TRHDE: variants seen among roughly 807,000 people sequenced by gnomAD.
The protein encoded by TRHDE is thyrotropin-releasing hormone-degrading ectoenzyme.
In TRHDE, 72 loss-of-function variants were observed where a neutral mutation model predicts 125.7. The observed-to-expected ratio is 0.57, with a 90% CI of 0.47 to 0.70. The LOEUF is 0.70. Among genes scored for constraint, TRHDE ranks in the 30% least tolerant of loss-of-function variants. The pLI, the probability that TRHDE is intolerant of heterozygous loss-of-function variation, is 0.00. For missense variants in TRHDE, 1,110 were observed against 1,327.1 expected (o/e 0.84, Z 2.54); for synonymous variants, 509 against 509.1 (o/e 1.00, Z 0.00).
At chr12:72,430,400 C>T (rs1004686709) in intron 3 of TRHDE, among the ~76,000 whole-genome samples, 15 of 136,864 alleles carry the variant, frequency 1.1e-4, no homozygotes, top group Admixed American at 7.7e-5. Flanking sequence ...TATACACACA[C>T]GTATATATAT....
Position 72,122,859 on chromosome 12 carries a change from G to A in TRHDE, n.279+17107G>A, listed in dbSNP as rs557670795. ...ATTTTTAAAAAATATATTTAAATAC[G>A]TAGTACACAGCCTTTTAAAACATAC... On this transcript the variant is annotated intron_variant and non_coding_transcript_variant, in intron 2 of 4. Transcript: ENST00000548156. Among the ~76,000 whole-genome samples the A allele has an allele frequency of 8.6e-5, 13 of 151,968 alleles. No homozygotes were observed. The East Asian group carries it at 1.9e-3, about 23-fold the overall frequency.
intron 2 of TRHDE, among the ~76,000 whole-genome samples, chr12:72,337,837 T>A (rs7974050): frequency 0.83 from 125,959 of 151,788 alleles, 52,451 homozygotes; most frequent in East Asian, 0.92. Context: ...TTGTCAGCCC[T>A]CTGAAAACAT....
chr12:72,484,299 G>C (rs572925832), intron 5 of TRHDE, among the ~76,000 whole-genome samples: 1 of 152,194 alleles, frequency 6.6e-6, no homozygotes, highest in Admixed American at 6.5e-5. Context: ...AAAAAATTTA[G>C]CATGCAGGAA....
intron 3 of TRHDE, among the ~76,000 whole-genome samples, chr12:72,469,101 G>C (rs553017009): frequency 6.6e-6 from 1 of 152,220 alleles, no homozygotes; most frequent in South Asian, 2.1e-4. Flanking sequence ...TATTTCATAG[G>C]TGAGGGAATT....
At chr12:72,556,911 A>G (rs540583318) in intron 7 of TRHDE, among the ~76,000 whole-genome samples, 4 of 152,306 alleles carry the variant, frequency 2.6e-5, no homozygotes, top group South Asian at 2.1e-4. Context: ...CCCAGTGTCA[A>G]TGAGTCCCAG....
rs926087005 is a variant in TRHDE, at chr12:72,153,045, A to G, written n.279+47293A>G. Reference sequence around the variant, plus strand: ...TGGTCCTGGACTTTTTTTGGTTGGTAAGCAATTAATTATTGCCTCAATTTC... The same window carrying G: ...TGGTCCTGGACTTTTTTTGGTTGGTGAGCAATTAATTATTGCCTCAATTTC... On this transcript the variant is annotated intron_variant and non_coding_transcript_variant, in intron 2 of 4. Transcript: ENST00000548156. Among the ~76,000 whole-genome samples, 64 of 152,132 alleles carry G rather than the reference A, an allele frequency of 4.2e-4. 1 individual carries two copies. Among genetic ancestry groups the G allele is most frequent in the Non-Finnish European group, 1.5e-5 (1 of 68,024 alleles).
chr12:72,230,015 A>G (rs911923608), intron 2 of TRHDE, among the ~76,000 whole-genome samples: 2 of 152,170 alleles, frequency 1.3e-5, no homozygotes, highest in Non-Finnish European at 2.9e-5. Flanking sequence ...CAGTCTCTAG[A>G]TGTGCTAGCA....
intron 2 of TRHDE, among the ~76,000 whole-genome samples, chr12:72,113,667 C>G (rs1188973538): frequency 6.6e-6 from 1 of 151,860 alleles, no homozygotes; most frequent in Non-Finnish European, 1.5e-5. Flanking sequence ...AGGGACCCAC[C>G]AAGAGTCACC....
chr12:72,287,947 C>CTT lies in TRHDE; in HGVS notation c.1188+1005_1188+1006dup, dbSNP rs111979925. 4.1e-5 allele frequency among the ~76,000 whole-genome samples: 6 copies of CTT among 144,772 alleles called. No homozygotes were observed. The East Asian group carries it at 8.1e-4, about 20-fold the overall frequency. 95.0% of individuals were successfully genotyped at this position (144,772 alleles called of 152,430 possible). On this transcript the variant is annotated intron_variant, in intron 2 of 18. Transcript: ENST00000261180. Reference sequence around the variant, plus strand: ...ATTAAGACAAGGTATTAAGATTCCACTTTTTTTTTTTTTCAAATGAGTAAA... The same window carrying CTT: ...ATTAAGACAAGGTATTAAGATTCCACTTTTTTTTTTTTTTTCAAATGAGTAAA...
chr12:72,496,383 C>T (rs962017893), intron 5 of TRHDE, among the ~76,000 whole-genome samples: 2 of 152,308 alleles, frequency 1.3e-5, no homozygotes, highest in South Asian at 2.1e-4. Context: ...GGAGAGGTCT[C>T]ACAAACATGG....
chr12:72,341,508 C>T (rs1479294061), intron 2 of TRHDE, among the ~76,000 whole-genome samples: 1 of 152,032 alleles, frequency 6.6e-6, no homozygotes, highest in Non-Finnish European at 1.5e-5. Context: ...TCATATTATT[C>T]AAATTAAAGG....
intron 2 of TRHDE, among the ~76,000 whole-genome samples, chr12:72,215,595 G>A (rs1170828839): frequency 5.3e-5 from 8 of 152,110 alleles, no homozygotes; most frequent in South Asian, 2.1e-4. Context: ...TTACCAAATT[G>A]TCATGGCAAT....
intron 2 of TRHDE, among the ~76,000 whole-genome samples, chr12:72,194,440 T>C (rs370592161): frequency 2.6e-5 from 4 of 152,178 alleles, no homozygotes; most frequent in African/African-American, 9.6e-5. Flanking sequence ...ACTTTTATTT[T>C]AGATTTGGGG....
At chr12:72,093,393 A>G (rs140956425) in intron 1 of TRHDE, among the ~76,000 whole-genome samples, 113 of 152,278 alleles carry the variant, frequency 7.4e-4, no homozygotes, top group African/African-American at 2.7e-3. Context: ...GTTTTCAGTC[A>G]TTATTTATTT....
At chr12:72,469,145 C>T (rs1197750511) in intron 3 of TRHDE, among the ~76,000 whole-genome samples, 9 of 152,242 alleles carry the variant, frequency 5.9e-5, no homozygotes, top group African/African-American at 2.2e-4. Context: ...TTACTAATGT[C>T]GCATAGCCAG....
chr12:72,422,952 C>A (rs1057167910), intron 3 of TRHDE, among the ~76,000 whole-genome samples: 1 of 152,036 alleles, frequency 6.6e-6, no homozygotes, highest in Non-Finnish European at 1.5e-5. Context: ...AACTGTCAAC[C>A]AATAAATTTA....
chr12:72,388,814 G>A (rs890032317), intron 3 of TRHDE, among the ~76,000 whole-genome samples: 3 of 151,624 alleles, frequency 2.0e-5, no homozygotes, highest in Non-Finnish European at 4.4e-5. Context: ...CTATCCTATG[G>A]TGAGGCTATT....
intron 6 of TRHDE, among the ~76,000 whole-genome samples, chr12:72,517,544 T>C (rs958580871): frequency 6.6e-6 from 1 of 152,216 alleles, no homozygotes; most frequent in African/African-American, 2.4e-5. Flanking sequence ...TTTTTTTCTT[T>C]ATTAGTCTTG....
intron 2 of TRHDE, among the ~76,000 whole-genome samples, chr12:72,209,937 C>T (rs1364834321): frequency 6.6e-6 from 1 of 151,938 alleles, no homozygotes. Flanking sequence ...TTAAGAAAAT[C>T]AGAGAAAAAT....
Sources: gnomAD v4.1 joint callset for allele counts (sites outside exome capture counted in the v4.1 genomes callset) on GRCh38, gnomAD v4.1.1 for gene constraint, MANE v1.5 for transcripts, NCBI Gene and HGNC (gene_info 2026-07-23, HGNC 2026-07-21) for gene names.